The following CELF2 variants were observed in gnomAD, a reference collection of about 807,000 sequenced individuals.
CELF2 encodes the protein CUG triplet repeat RNA-binding protein 2.
A neutral mutation model predicts 62.6 loss-of-function variants in CELF2; 8 were observed. The observed-to-expected ratio is 0.13, with a 90% CI of 0.07 to 0.23. The LOEUF (loss-of-function observed/expected upper bound fraction) is 0.23. Ranked by LOEUF, CELF2 falls within the 10% of genes least tolerant of loss-of-function variation. The pLI, the probability that CELF2 is intolerant of heterozygous loss-of-function variation, is 1.00. For missense variants in CELF2, 333 were observed against 671.0 expected (o/e 0.50, Z 5.56); for synonymous variants, 258 against 250.0 (o/e 1.03, Z -0.30).
intron 2 of CELF2, among the ~76,000 whole-genome samples, chr10:10,975,659 T>A (rs1408803500): frequency 6.6e-6 from 1 of 152,232 alleles, no homozygotes; most frequent in Non-Finnish European, 1.5e-5. Context: ...CATTTTAAGC[T>A]AGTATTTTTG....
the CELF2 span, among the ~76,000 whole-genome samples, chr10:10,738,770 GTT>G: frequency 6.6e-6 from 1 of 152,184 alleles, no homozygotes; most frequent in African/African-American, 2.4e-5. Flanking sequence ...GTCTAGAGGA[GTT>G]TAGGGAGACT....
chr10:11,068,623 C>T (rs949047830), intron 1 of CELF2, among the ~76,000 whole-genome samples: 2 of 151,782 alleles, frequency 1.3e-5, no homozygotes, highest in Non-Finnish European at 2.9e-5. Context: ...TGCAGTGGCC[C>T]GATCTTGGCT....
At chr10:11,221,764 C>G (rs1321607535) in intron 3 of CELF2, among the ~76,000 whole-genome samples, 2 of 152,204 alleles carry the variant, frequency 1.3e-5, no homozygotes, top group African/African-American at 2.4e-5. Flanking sequence ...CTGAATATGC[C>G]TTACCCATTT....
At chr10:11,284,114 T>C (rs1590637464) in intron 8 of CELF2, among the ~76,000 whole-genome samples, 1 of 116,226 alleles carries the variant, frequency 8.6e-6, no homozygotes, top group Non-Finnish European at 1.8e-5. Flanking sequence ...GATGACTGTG[T>C]GGTAGGTGGA....
the CELF2 span, among the ~76,000 whole-genome samples, chr10:10,657,852 A>C: frequency 6.6e-6 from 1 of 152,184 alleles, no homozygotes; most frequent in South Asian, 2.1e-4. Flanking sequence ...GAGCTATTTC[A>C]TAAGCAAATA....
At chr10:10,497,670 G>A in the CELF2 span, among the ~76,000 whole-genome samples, 160 of 152,314 alleles carry the variant, frequency 1.1e-3, no homozygotes, top group African/African-American at 3.6e-3. Context: ...CCAGCGGGAA[G>A]CAAGGGCAAG....
At chr10:10,512,501 G>A in the CELF2 span, among the ~76,000 whole-genome samples, 17 of 147,784 alleles carry the variant, frequency 1.2e-4, no homozygotes, top group African/African-American at 4.0e-4. Context: ...CCGCCTCCCA[G>A]GTCAAGTGAT....
intron 1 of CELF2, among the ~76,000 whole-genome samples, chr10:11,164,522 C>A (rs1026891443): frequency 6.6e-6 from 1 of 152,164 alleles, no homozygotes; most frequent in East Asian, 1.9e-4. Flanking sequence ...GGCAGACTTT[C>A]TTTTTTTCTC....
intron 1 of CELF2, among the ~76,000 whole-genome samples, chr10:11,143,690 A>G (rs2061743580): frequency 6.6e-6 from 1 of 152,226 alleles, no homozygotes; most frequent in African/African-American, 2.4e-5. Flanking sequence ...TTATTTCGCT[A>G]TTTCAAAATG....
At chr10:10,589,113 C>T in the CELF2 span, among the ~76,000 whole-genome samples, 24 of 152,048 alleles carry the variant, frequency 1.6e-4, no homozygotes, top group Non-Finnish European at 1.9e-4. Flanking sequence ...AATAGATGTA[C>T]GATGTACATT....
At chr10:10,747,538 AG>A in the CELF2 span, among the ~76,000 whole-genome samples, 1 of 152,164 alleles carries the variant, frequency 6.6e-6, no homozygotes, top group Non-Finnish European at 1.5e-5. Flanking sequence ...TCAAAAGAGC[AG>A]CTGAGGGAAA....
intron 1 of CELF2, among the ~76,000 whole-genome samples, chr10:11,072,400 A>G (rs1306977700): frequency 6.6e-6 from 1 of 152,200 alleles, no homozygotes; most frequent in South Asian, 2.1e-4. Context: ...CCCAGATGAC[A>G]ATGAATGGTT....
At chr10:11,232,662 C>T (rs999812278) in intron 3 of CELF2, among the ~76,000 whole-genome samples, 3 of 152,158 alleles carry the variant, frequency 2.0e-5, no homozygotes, top group Non-Finnish European at 4.4e-5. Context: ...GATGATGTTG[C>T]ATGGTACTGA....
At chr10:10,909,108 G>C (rs1318367130) in intron 1 of CELF2, among the ~76,000 whole-genome samples, 1 of 152,190 alleles carries the variant, frequency 6.6e-6, no homozygotes, top group Non-Finnish European at 1.5e-5. Flanking sequence ...ATTTTTTAAA[G>C]AGAAAAATAA....
chr10:11,121,437 C>T (rs1216245798), intron 1 of CELF2, among the ~76,000 whole-genome samples: 1 of 152,172 alleles, frequency 6.6e-6, no homozygotes, highest in Non-Finnish European at 1.5e-5. Context: ...ATTCCTCTCT[C>T]CCTCTGTCCT....
intron 1 of CELF2, among the ~76,000 whole-genome samples, chr10:11,045,962 T>C (rs1593940018): frequency 6.6e-6 from 1 of 152,228 alleles, no homozygotes; most frequent in Non-Finnish European, 1.5e-5. Flanking sequence ...TCTCTGCTCT[T>C]TTCACTGAAG....
chr10:10,483,765 C>T, the CELF2 span, among the ~76,000 whole-genome samples: 4 of 151,994 alleles, frequency 2.6e-5, no homozygotes, highest in African/African-American at 9.7e-5. Flanking sequence ...AATTGAACAA[C>T]GCAAAATATT....
At chr10:11,240,084 ATCGTG>A (rs1237134431) in intron 3 of CELF2, among the ~76,000 whole-genome samples, 2 of 152,182 alleles carry the variant, frequency 1.3e-5, no homozygotes, top group Non-Finnish European at 2.9e-5. Flanking sequence ...TACTATGTTA[ATCGTG>A]ATATGTAAAA....
intron 2 of CELF2, among the ~76,000 whole-genome samples, chr10:11,166,125 T>C (rs1272432559): frequency 6.6e-6 from 1 of 152,218 alleles, no homozygotes; most frequent in Non-Finnish European, 1.5e-5. Flanking sequence ...TGGGGACCTC[T>C]AGGTAGCTTA....
Sources: allele counts gnomAD v4.1 joint callset (sites outside exome capture counted in the v4.1 genomes callset), GRCh38; gene constraint gnomAD v4.1.1; transcripts MANE v1.5; gene names NCBI Gene and HGNC (gene_info 2026-07-23, HGNC 2026-07-21).